The following CLDN14 variants were observed in gnomAD, a reference collection of about 807,000 sequenced individuals.
CLDN14 encodes claudin 14.
CLDN14 carries 2 observed loss-of-function variants against 2.1 expected under a neutral mutation model. That is an observed-to-expected ratio of 0.96 (90% CI 0.39 to 3.01). The LOEUF (loss-of-function observed/expected upper bound fraction) is 3.01. Ranked by LOEUF, CLDN14 falls within the 30% of genes most tolerant of loss-of-function variation. The pLI, the probability that CLDN14 is intolerant of heterozygous loss-of-function variation, is 0.09. For synonymous variants in CLDN14, 136 were observed against 154.4 expected, an observed-to-expected ratio of 0.88 and a Z score of 0.88; for missense variants, 298 against 328.0, an observed-to-expected ratio of 0.91 and a Z score of 0.71.
At position 36,507,316 on chromosome 21, in the gene CLDN14, C is replaced by G. The variant is rs572536939; in HGVS notation, c.-82+3047G>C. The stretch of plus-strand genomic sequence containing the variant: ...CTTTTAGTGATGAGCCTTGGGGACC[C>G]CATAAAACCCAGAGGAACATGTGGC... On this transcript the variant is annotated intron_variant, in intron 2 of 2. Transcript: ENST00000342108. 9.2e-5 allele frequency among the ~76,000 whole-genome samples: 14 copies of G among 152,236 alleles called. No individual in the cohort carries two copies. In the South Asian group the frequency reaches 2.7e-3, roughly 29 times the overall value.
Position 36,488,252 on chromosome 21 carries a change from T to TCCTTCCTTCCTTCCTG in CLDN14, c.-82+22110_-82+22111insCAGGAAGGAAGGAAGG, listed in dbSNP as rs2086919704. Among the ~76,000 whole-genome samples the TCCTTCCTTCCTTCCTG allele has an allele frequency of 3.4e-5, 5 of 148,994 alleles. No homozygotes were observed. In the Admixed American group the frequency reaches 3.4e-4, roughly 10 times the overall value. On this transcript the variant is annotated intron_variant, in intron 2 of 2. Transcript: ENST00000342108. Reference sequence around the variant, plus strand: ...TTCCTTCCTTCCTTCCTTCCTTCCTTCCTTCCTTCCTTCCTTCCTTCCCTC... The same window carrying TCCTTCCTTCCTTCCTG: ...TTCCTTCCTTCCTTCCTTCCTTCCTTCCTTCCTTCCTTCCTGCCTTCCTTCCTTCCTTCCTTCCCTC...
At chr21:36,480,201 C>T (rs2086830419), upstream of CLDN14, 1 of 152,308 alleles carries the variant, frequency 6.6e-6, no homozygotes, top group African/African-American at 2.4e-5. Context: ...CAACGAGCAA[C>T]TGCTTTTGTT....
rs201446914 is a variant in CLDN14 at position 36,530,478 on chromosome 21, A to G, written c.-219-19978T>C. 3.9e-5 allele frequency among the ~76,000 whole-genome samples: 6 copies of G among 152,274 alleles called. No homozygotes were observed. In the East Asian group the frequency reaches 1.2e-3, roughly 29 times the overall value. ...AACCAGCTTTTACTGAACACCTGCT[A>G]TGTGCAGGGCAGACCAATAGGCATA... On this transcript the variant is annotated intron_variant, in intron 1 of 2. Coordinates refer to the CLDN14 transcript ENST00000342108.
chr21:36,525,067 G>A (rs147748910), intron 1 of CLDN14, among the ~76,000 whole-genome samples: 1 of 152,270 alleles, frequency 6.6e-6, no homozygotes, highest in African/African-American at 2.4e-5. Flanking sequence ...TGCCAGTCAG[G>A]GCTCCCTCAC....
upstream of CLDN14, among the ~76,000 whole-genome samples, chr21:36,484,923 G>A (rs1422376736): frequency 6.6e-6 from 1 of 151,796 alleles, no homozygotes; most frequent in Non-Finnish European, 1.5e-5. Flanking sequence ...TGTTGGTCAG[G>A]CTGGTCTCAA....
At chr21:36,485,819 T>G in intron 2 of CLDN14, 1 of 446,100 alleles carries the variant, frequency 2.2e-6, no homozygotes, top group Non-Finnish European at 4.0e-6. Flanking sequence ...AAAGATCAGA[T>G]ATAAACCTGA....
In CLDN14 at chr21:36,529,179, G is replaced by A. The variant is rs2087359343; in HGVS notation, c.-219-18679C>T. 2.0e-5 allele frequency among the ~76,000 whole-genome samples: 3 copies of A among 152,142 alleles called. No individual in the cohort carries two copies. In the South Asian group the frequency reaches 6.2e-4, roughly 32 times the overall value. ...CAAAGGGTTTTCTTAATCTAAAAATGCTTTCCCCGATCTCAACTTATATCT... is the reference window on the plus strand; with the variant it reads ...CAAAGGGTTTTCTTAATCTAAAAATACTTTCCCCGATCTCAACTTATATCT... On this transcript the variant is annotated intron_variant, in intron 1 of 2. Coordinates refer to the CLDN14 transcript ENST00000342108.
intron 2 of CLDN14, among the ~76,000 whole-genome samples, chr21:36,495,574 A>C (rs1228761107): frequency 6.6e-6 from 1 of 152,254 alleles, no homozygotes; most frequent in Non-Finnish European, 1.5e-5. Flanking sequence ...TGCCATGCAC[A>C]TTCGATCAAT....
intron 1 of CLDN14, among the ~76,000 whole-genome samples, chr21:36,531,755 T>C (rs929179527): frequency 1.3e-5 from 2 of 151,882 alleles, no homozygotes; most frequent in Admixed American, 6.6e-5. Context: ...TAAAATACGT[T>C]TTAAAATCTA....
intron 2 of CLDN14, among the ~76,000 whole-genome samples, chr21:36,504,997 G>A (rs2087119561): frequency 6.6e-6 from 1 of 152,090 alleles, no homozygotes; most frequent in Non-Finnish European, 1.5e-5. Flanking sequence ...TGAAAATCTG[G>A]AAGATTTTCC....
chr21:36,523,842 AGT>A (rs2087299476), intron 1 of CLDN14, among the ~76,000 whole-genome samples: 1 of 148,418 alleles, frequency 6.7e-6, no homozygotes, highest in African/African-American at 2.5e-5. Flanking sequence ...AAAGAAAGAA[AGT>A]GGATTCGGCA....
At chr21:36,561,766 T>C (rs414911) in intron 1 of CLDN14, among the ~76,000 whole-genome samples, 113,395 of 152,008 alleles carry the variant, frequency 0.75, 43,884 homozygotes, top group Non-Finnish European at 0.87. Flanking sequence ...ACACATCTCA[T>C]GGCTGACTCC....
Position 36,551,371 on chromosome 21 carries a change from C to T in CLDN14, c.-220+25040G>A, listed in dbSNP as rs146449589. On this transcript the variant is annotated intron_variant, in intron 1 of 2. Coordinates refer to the CLDN14 transcript ENST00000342108. The surrounding 1 kb of genome is among the most constrained non-coding windows in gnomAD (Gnocchi z 4.8). ...GGAGCCTCTGCCTCCCGTAAGCTGG[C>T]GGGCAGACCCAGTCCAAACTTGGCA... Among the ~76,000 whole-genome samples, 21 of 152,298 alleles carry T rather than the reference C, an allele frequency of 1.4e-4. No homozygotes were observed. Among genetic ancestry groups the T allele is most frequent in the Non-Finnish European group, 7.4e-5 (5 of 68,016 alleles).
At chr21:36,505,340 G>A (rs116083368) in intron 2 of CLDN14, among the ~76,000 whole-genome samples, 6,094 of 152,168 alleles carry the variant, frequency 0.04, 223 homozygotes, top group African/African-American at 0.094. Context: ...TAGCCCTTCA[G>A]CCCAGATAGC....
At chr21:36,546,513 C>T (rs933411448) in intron 1 of CLDN14, among the ~76,000 whole-genome samples, 8 of 152,174 alleles carry the variant, frequency 5.3e-5, no homozygotes, top group Non-Finnish European at 7.3e-5. Context: ...AAAATGTGCA[C>T]GGTCTCAGCA....
At chr21:36,506,815 C>T (rs1437894866) in intron 2 of CLDN14, among the ~76,000 whole-genome samples, 2 of 151,900 alleles carry the variant, frequency 1.3e-5, no homozygotes, top group African/African-American at 4.8e-5. Flanking sequence ...GTATCTATTG[C>T]AGAGCATCAA....
chr21:36,503,443 G>A (rs542144375), intron 2 of CLDN14, among the ~76,000 whole-genome samples: 3 of 152,298 alleles, frequency 2.0e-5, no homozygotes, highest in African/African-American at 7.2e-5. Context: ...TGAATCATGG[G>A]GCCAGATCTT....
At chr21:36,554,516 G>A (rs2087584937) in intron 1 of CLDN14, among the ~76,000 whole-genome samples, 1 of 152,268 alleles carries the variant, frequency 6.6e-6, no homozygotes, top group South Asian at 2.1e-4. Flanking sequence ...TGTTGGGAGT[G>A]TTTCATTCAC....
intron 1 of CLDN14, among the ~76,000 whole-genome samples, chr21:36,529,599 T>C (rs1034864295): frequency 6.6e-6 from 1 of 152,182 alleles, no homozygotes; most frequent in African/African-American, 2.4e-5. Context: ...GATTAATATG[T>C]GTCCTTTGAA....
Sources: gnomAD v4.1 joint callset for allele counts (sites outside exome capture counted in the v4.1 genomes callset) on GRCh38, gnomAD v4.1.1 for gene constraint, Gnocchi (gnomAD v3.1) non-coding constraint, MANE v1.5 for transcripts, NCBI Gene and HGNC (gene_info 2026-07-23, HGNC 2026-07-21) for gene names.